Variants in MPDZ observed in about 807,000 individuals in gnomAD.
MPDZ encodes multiple PDZ domain protein.
A neutral mutation model predicts 239.1 loss-of-function variants in MPDZ; 234 were observed. The ratio of observed to expected loss-of-function variants is 0.98; its 90% CI spans 0.88 to 1.09. The LOEUF (loss-of-function observed/expected upper bound fraction) is 1.09. MPDZ is among the 50% of genes least tolerant of loss of function. The pLI, the probability that MPDZ is intolerant of heterozygous loss-of-function variation, is 0.00. For missense variants in MPDZ, 3,175 were observed against 2,510.0 expected (o/e 1.26, Z -5.66); for synonymous variants, 1,048 against 881.3 (o/e 1.19, Z -3.35).
chr9:13,183,987 G>A (rs1458826802), intron 18 of MPDZ, among the ~76,000 whole-genome samples: 1 of 151,872 alleles, frequency 6.6e-6, no homozygotes, highest in Non-Finnish European at 1.5e-5. Flanking sequence ...TATTCAATGA[G>A]GCAGCTAGGC....
intron 1 of MPDZ, among the ~76,000 whole-genome samples, chr9:13,278,214 G>A (rs1196595458): frequency 1.3e-5 from 2 of 152,098 alleles, no homozygotes; most frequent in Non-Finnish European, 2.9e-5. Flanking sequence ...TTCCTTCTAC[G>A]CTGGTGAAGT....
Position 13,110,130 on chromosome 9 carries a change from T to C in MPDZ, c.5830-66A>G. ...CTGTGGCTAGGGAAAGTAATTTTTC[T>C]TCAGAAAGAGCACTTGGATTAAAAT... On this transcript the variant is annotated intron_variant, in intron 44 of 46. Coordinates refer to ENST00000319217, the MANE Select transcript of MPDZ (RefSeq NM_001378778.1). 4 of 1,095,566 alleles carry C rather than the reference T, an allele frequency of 3.7e-6. No individual in the cohort carries two copies. In the South Asian group the frequency reaches 4.3e-5, roughly 12 times the overall value. The allele number at this position is 1,095,566 out of a possible 1,614,324, so 67.9% of individuals were successfully genotyped here.
intron 25 of MPDZ, among the ~76,000 whole-genome samples, chr9:13,148,843 T>C (rs1462252085): frequency 2.0e-5 from 3 of 152,030 alleles, no homozygotes; most frequent in Non-Finnish European, 2.9e-5. Flanking sequence ...CCTTGCAATA[T>C]GGCACAAATC....
chr9:13,192,300 G>A lies in MPDZ; in HGVS notation c.1804-5C>T. ...AAGTAAAGTTATGCCATTTACCTGT[G>A]AAAAAAGATACATTGTCCAACAAAC... On this transcript the variant is annotated splice_polypyrimidine_tract_variant and splice_region_variant and intron_variant, in intron 14 of 46. Transcript: ENST00000319217. 1 of 1,586,696 alleles carries A rather than the reference G, an allele frequency of 6.3e-7. No individual in the cohort carries two copies. Among genetic ancestry groups the A allele is most frequent in the South Asian group, 1.1e-5 (1 of 87,242 alleles).
rs576420084 is a variant in MPDZ, at chr9:13,244,670, G to A, written c.183+2965C>T. On this transcript the variant is annotated intron_variant, in intron 3 of 46. Coordinates refer to ENST00000319217, the MANE Select transcript of MPDZ (RefSeq NM_001378778.1). ...GCCCTCTCAGTTACACACCTGTCAA[G>A]TGTTTAATTTGCCAAAGGGAAACAG... Among the ~76,000 whole-genome samples the A allele has an allele frequency of 4.6e-5, 7 of 152,130 alleles. No homozygotes were observed. The South Asian group carries it at 1.5e-3, about 32-fold the overall frequency.
chr9:13,248,636 T>C (rs1004665080), intron 2 of MPDZ, among the ~76,000 whole-genome samples: 3 of 151,862 alleles, frequency 2.0e-5, no homozygotes, highest in Admixed American at 2.0e-4. Context: ...AACAAGTATA[T>C]CTATTTAAAC....
chr9:13,109,027 C>T lies in MPDZ; in HGVS notation c.5975G>A (p.Arg1992Gln), dbSNP rs767969634. Residue 1992 changes from arginine to glutamine, a missense_variant, in exon 46 of 47, where the codon CGA (arginine) becomes CAA (glutamine). Physicochemically the swap from Arg to Gln is conservative, Grantham distance 43. Transcript: ENST00000319217. ...ACTGAAGCCTAAGCCATCTGGTCCT[C>T]GCTCTAGTGTAATAGACTTACATTG... ...PPQCKSITLE[R>Q]GPDGLGFSIV... 7 of 1,580,418 alleles carry T rather than the reference C, an allele frequency of 4.4e-6. No homozygotes were observed. The highest frequency in any genetic ancestry group is 4.1e-5 in the African/African-American group (3 of 73,956).
At chr9:13,132,270 C>A (rs1563866812) in intron 32 of MPDZ, among the ~76,000 whole-genome samples, 1 of 152,142 alleles carries the variant, frequency 6.6e-6, no homozygotes, top group Non-Finnish European at 1.5e-5. Flanking sequence ...CAACAATAAC[C>A]CTTAATATAG....
chr9:13,206,149 T>C, intron 10 of MPDZ, 50 bp from the exon 11 acceptor site: 1 of 1,498,764 alleles, frequency 6.7e-7, no homozygotes, highest in Non-Finnish European at 9.0e-7. Flanking sequence ...TAAATGGATA[T>C]TTGTATTACC....
intron 22 of MPDZ, chr9:13,165,275 C>T (rs552862689): frequency 2.2e-5 from 27 of 1,240,538 alleles, no homozygotes; most frequent in African/African-American, 2.1e-4. Context: ...TGGATCTATT[C>T]TTGCATTGGG....
rs1182488345 is a variant in MPDZ at position 13,279,529 on chromosome 9, C to A, written c.-187G>T. The stretch of plus-strand genomic sequence containing the variant: ...CTTCTCTTCTGAAGTAACGACCCGG[C>A]GAGGAGCTTCGGATCAAAACGCACA... On this transcript the variant is annotated 5_prime_UTR_variant, in exon 1 of 47. Transcript: ENST00000319217. 1.3e-4 allele frequency: 1 copy of A among 7,478 alleles called. No homozygotes were observed. Among genetic ancestry groups the A allele is most frequent in the African/African-American group, 1.6e-4 (1 of 6,290 alleles). The allele number at this position is 7,478 out of a possible 1,614,324, so 0.5% of individuals were successfully genotyped here. A position where few individuals can be genotyped will look rare whatever the true frequency, so the allele number is the denominator to read the frequency against.
At position 13,188,900 on chromosome 9, in the gene MPDZ, G is replaced by A. The variant is rs752219824; in HGVS notation, c.2248C>T (p.Arg750Ter). 16 of 1,613,318 alleles carry A rather than the reference G, an allele frequency of 9.9e-6. No individual in the cohort carries two copies. The highest frequency in any genetic ancestry group is 2.7e-5 in the African/African-American group (2 of 74,846). The change falls in exon 17 of 47, where the codon CGA (arginine) becomes TGA (stop). Residue 750 changes from arginine to a stop codon, truncating the protein, a stop_gained. Coordinates refer to ENST00000319217, the MANE Select transcript of MPDZ (RefSeq NM_001378778.1). LOFTEE classifies it high-confidence loss of function. The part of the protein sequence containing the change: ...EKDGRLLPGD[R>*]LMFVNDVNLE... Reference sequence around the variant, plus strand: ...TTAACATCGTTTACAAACATGAGTCGGTCACCAGGAAGAAGTCGTCCATCC... The same window carrying A: ...TTAACATCGTTTACAAACATGAGTCAGTCACCAGGAAGAAGTCGTCCATCC...
At position 13,126,736 on chromosome 9, in the gene MPDZ, C is replaced by G. The variant is rs529002777; in HGVS notation, c.4501G>C (p.Asp1501His). Reference sequence around the variant, plus strand: ...TTTATGATGACTCCACTGAGTGTATCTTCTTCGCTGATAGCAATACCCAAA... The same window carrying G: ...TTTATGATGACTCCACTGAGTGTATGTTCTTCGCTGATAGCAATACCCAAA... ...GGLGIAISEE[D>H]TLSGVIIKSL... The change falls in exon 33 of 47, where the codon GAT becomes CAT. Residue 1501 changes from aspartate to histidine, a missense_variant. Asp to His is a moderately conservative substitution (Grantham distance 81, BLOSUM62 -1). Coordinates refer to ENST00000319217, the MANE Select transcript of MPDZ (RefSeq NM_001378778.1). 2.4e-5 allele frequency: 38 copies of G among 1,613,794 alleles called. No homozygotes were observed. The highest frequency in any genetic ancestry group is 3.1e-5 in the Non-Finnish European group (36 of 1,179,842).
intron 32 of MPDZ, among the ~76,000 whole-genome samples, chr9:13,132,574 C>T (rs1271288643): frequency 6.6e-6 from 1 of 152,194 alleles, no homozygotes; most frequent in Admixed American, 6.5e-5. Context: ...AGGTAGCCAT[C>T]AGGCAACTCT....
chr9:13,166,575 A>G (rs1389161565), intron 22 of MPDZ, among the ~76,000 whole-genome samples: 1 of 152,126 alleles, frequency 6.6e-6, no homozygotes, highest in Non-Finnish European at 1.5e-5. Flanking sequence ...CACTGACTGA[A>G]TGAATGGATG....
intron 18 of MPDZ, among the ~76,000 whole-genome samples, chr9:13,184,528 T>C (rs1363410262): frequency 6.6e-6 from 1 of 151,962 alleles, no homozygotes; most frequent in Non-Finnish European, 1.5e-5. Context: ...GTGGGCCATT[T>C]TGAAGTGATT....
chr9:13,234,742 A>G (rs2136959590), intron 3 of MPDZ, among the ~76,000 whole-genome samples: 1 of 152,236 alleles, frequency 6.6e-6, no homozygotes. Context: ...GCTACACCTT[A>G]TTGTAATGAG....
intron 12 of MPDZ, among the ~76,000 whole-genome samples, chr9:13,198,143 T>A (rs1281092433): frequency 1.3e-5 from 2 of 152,090 alleles, no homozygotes; most frequent in Non-Finnish European, 2.9e-5. Context: ...TATGGTAGTT[T>A]AACTGTTCGT....
intron 3 of MPDZ, among the ~76,000 whole-genome samples, chr9:13,237,929 A>T (rs1416464985): frequency 2.6e-5 from 4 of 152,078 alleles, no homozygotes; most frequent in African/African-American, 9.7e-5. Context: ...AGCTTTAGTT[A>T]AAAAAAATTC....
Sources: allele counts gnomAD v4.1 joint callset (sites outside exome capture counted in the v4.1 genomes callset), GRCh38; gene constraint gnomAD v4.1.1; transcripts MANE v1.5; gene names NCBI Gene and HGNC (gene_info 2026-07-23, HGNC 2026-07-21).